CACNB2: variants seen among roughly 807,000 people sequenced by gnomAD.
CACNB2 encodes the protein calcium voltage-gated channel auxiliary subunit beta 2, also known as voltage-dependent L-type calcium channel subunit beta-2.
Under a neutral mutation model 73.3 loss-of-function variants are expected in CACNB2, and 42 were observed. The observed-to-expected ratio is 0.57, with a 90% CI of 0.45 to 0.74. The LOEUF (loss-of-function observed/expected upper bound fraction) is 0.74. CACNB2 is among the 30% of genes least tolerant of loss of function. CACNB2 has a pLI of 0.00. For synonymous variants in CACNB2, 348 were observed against 310.3 expected (o/e 1.12, Z -1.28); for missense variants, 940 against 853.0 (o/e 1.10, Z -1.27).
intron 2 of CACNB2, among the ~76,000 whole-genome samples, chr10:18,397,880 A>G (rs1353575477): frequency 6.6e-6 from 1 of 152,248 alleles, no homozygotes; most frequent in Non-Finnish European, 1.5e-5. Context: ...ATTAGTACAC[A>G]GTAGTACAAG....
intron 3 of CACNB2, among the ~76,000 whole-genome samples, chr10:18,456,656 A>T (rs2047298692): frequency 6.6e-6 from 1 of 152,056 alleles, no homozygotes; most frequent in Non-Finnish European, 1.5e-5. Context: ...ATCACTTTCC[A>T]TTCCTCCAGG....
chr10:18,293,964 G>T (rs1176900538), intron 2 of CACNB2, among the ~76,000 whole-genome samples: 1 of 152,118 alleles, frequency 6.6e-6, no homozygotes, highest in African/African-American at 2.4e-5. Flanking sequence ...GCATTTTTTG[G>T]CTATGTGAAG....
At chr10:18,152,983 A>G (rs755794409) in intron 2 of CACNB2, among the ~76,000 whole-genome samples, 3 of 152,148 alleles carry the variant, frequency 2.0e-5, no homozygotes, top group Non-Finnish European at 2.9e-5. Flanking sequence ...TTTTTCATAG[A>G]GTTTTAATAA....
chr10:18,296,928 C>T (rs1429855880), intron 2 of CACNB2, among the ~76,000 whole-genome samples: 1 of 152,198 alleles, frequency 6.6e-6, no homozygotes, highest in Non-Finnish European at 1.5e-5. Flanking sequence ...ACTAAGGTTT[C>T]CGTCATTCAT....
intron 3 of CACNB2, among the ~76,000 whole-genome samples, chr10:18,402,562 G>T (rs796758735): frequency 1.4e-4 from 22 of 152,228 alleles, no homozygotes; most frequent in African/African-American, 5.3e-4. Flanking sequence ...ATTTTTAAAA[G>T]TTTCTTCTCT....
chr10:18,487,734 C>T (rs1329164950), intron 3 of CACNB2, among the ~76,000 whole-genome samples: 1 of 151,714 alleles, frequency 6.6e-6, no homozygotes, highest in Non-Finnish European at 1.5e-5. Flanking sequence ...ACTTGGGAGG[C>T]TGAGGCAGGG....
rs536810330 is a variant in CACNB2, at chr10:18,356,375, G to T, written c.214-45549G>T. On this transcript the variant is annotated intron_variant, in intron 2 of 13. Transcript: ENST00000324631. ...CTGCTTATTTTCCTCACTTTCTCCA[G>T]CAAGCCAACTTCTTTCCACCTTTCT... 3.3e-5 allele frequency among the ~76,000 whole-genome samples: 5 copies of T among 152,160 alleles called. 1 individual carries two copies. The highest frequency in any genetic ancestry group is 9.6e-5 in the African/African-American group (4 of 41,526).
chr10:18,468,279 G>T (rs557261245), intron 3 of CACNB2, among the ~76,000 whole-genome samples: 1 of 152,082 alleles, frequency 6.6e-6, no homozygotes, highest in Non-Finnish European at 1.5e-5. Context: ...GCAACATGGC[G>T]AAAACCCATC....
chr10:18,272,660 T>A (rs1270442415), intron 2 of CACNB2, among the ~76,000 whole-genome samples: 5 of 152,026 alleles, frequency 3.3e-5, no homozygotes, highest in Non-Finnish European at 7.4e-5. Flanking sequence ...TCTTACAATA[T>A]CTGATGGTTT....
intron 2 of CACNB2, among the ~76,000 whole-genome samples, chr10:18,177,712 C>T (rs2033679905): frequency 6.6e-6 from 1 of 152,188 alleles, no homozygotes; most frequent in Non-Finnish European, 1.5e-5. Flanking sequence ...AGTGAATCTA[C>T]ATGTTACATG....
intron 2 of CACNB2, among the ~76,000 whole-genome samples, chr10:18,383,938 T>C (rs1035616624): frequency 2.0e-5 from 3 of 152,140 alleles, no homozygotes; most frequent in Non-Finnish European, 4.4e-5. Flanking sequence ...ACTCCTGACT[T>C]CAGGTGATCT....
rs2054006881 is a variant in CACNB2 at position 18,540,367 on chromosome 10, T to C, written c.*643T>C. ...ATATATCAGTTTGATCACACTATTTTAGAGTCTTAATGCCAAGTCAGCAGA... is the reference window on the plus strand; with the variant it reads ...ATATATCAGTTTGATCACACTATTTCAGAGTCTTAATGCCAAGTCAGCAGA... On this transcript the variant is annotated 3_prime_UTR_variant, in exon 14 of 14. Coordinates refer to ENST00000324631, the MANE Select transcript of CACNB2 (RefSeq NM_201596.3). 6.6e-6 allele frequency: 1 copy of C among 152,188 alleles called. No homozygotes were observed. The highest frequency in any genetic ancestry group is 1.5e-5 in the Non-Finnish European group (1 of 67,968). The allele number at this position is 152,188 out of a possible 1,614,324, so 9.4% of individuals were successfully genotyped here.
At chr10:18,186,298 A>G (rs1236595368) in intron 2 of CACNB2, among the ~76,000 whole-genome samples, 1 of 152,092 alleles carries the variant, frequency 6.6e-6, no homozygotes, top group African/African-American at 2.4e-5. Flanking sequence ...GCATGCCTGT[A>G]ATCCCAGCTA....
chr10:18,377,825 T>C (rs1273391263), intron 2 of CACNB2, among the ~76,000 whole-genome samples: 1 of 152,140 alleles, frequency 6.6e-6, no homozygotes, highest in Non-Finnish European at 1.5e-5. Context: ...TAGAAAGCTG[T>C]TTTATTAAGG....
At chr10:18,487,904 G>T (rs1377156538) in intron 3 of CACNB2, among the ~76,000 whole-genome samples, 2 of 151,714 alleles carry the variant, frequency 1.3e-5, no homozygotes, top group Non-Finnish European at 2.9e-5. Context: ...TCCACACCAA[G>T]GACCCTGCAC....
At position 18,543,163 on chromosome 10, in the gene CACNB2, A is replaced by T. The variant is rs2054136766; in HGVS notation, c.*3439A>T. Reference sequence around the variant, plus strand: ...GCACTGTTTATTAGTAGTAGTATTAATTGCCATGTTAGAAATGATTCATGT... The same window carrying T: ...GCACTGTTTATTAGTAGTAGTATTATTTGCCATGTTAGAAATGATTCATGT... On this transcript the variant is annotated 3_prime_UTR_variant, in exon 14 of 14. Transcript: ENST00000324631. 6.6e-6 allele frequency: 1 copy of T among 152,190 alleles called. No individual in the cohort carries two copies. Among genetic ancestry groups the T allele is most frequent in the Admixed American group, 6.5e-5 (1 of 15,278 alleles). The allele number at this position is 152,190 out of a possible 1,614,324, so 9.4% of individuals were successfully genotyped here. A position where few individuals can be genotyped will look rare whatever the true frequency, so the allele number is the denominator to read the frequency against.
chr10:18,143,308 TG>T (rs1388927408), intron 1 of CACNB2, among the ~76,000 whole-genome samples: 1 of 152,168 alleles, frequency 6.6e-6, no homozygotes, highest in African/African-American at 2.4e-5. Flanking sequence ...AGCAGACAGA[TG>T]TAACAGTTTG....
chr10:18,473,709 T>C (rs748425197), intron 3 of CACNB2, among the ~76,000 whole-genome samples: 1 of 152,236 alleles, frequency 6.6e-6, no homozygotes, highest in African/African-American at 2.4e-5. Context: ...TTGCTTTAAA[T>C]AGCCGAAGTG....
At chr10:18,344,562 G>T (rs2041368338) in intron 2 of CACNB2, among the ~76,000 whole-genome samples, 1 of 151,742 alleles carries the variant, frequency 6.6e-6, no homozygotes, top group Non-Finnish European at 1.5e-5. Flanking sequence ...AGTAGAGACG[G>T]GGTTTCACCA....
Sources: gnomAD v4.1 joint callset for allele counts (sites outside exome capture counted in the v4.1 genomes callset) on GRCh38, gnomAD v4.1.1 for gene constraint, MANE v1.5 for transcripts, NCBI Gene and HGNC (gene_info 2026-07-23, HGNC 2026-07-21) for gene names.